Variants in SEMA3A observed in about 807,000 individuals in gnomAD.
The protein encoded by SEMA3A is semaphorin-3A.
A neutral mutation model predicts 97.9 loss-of-function variants in SEMA3A; 29 were observed. That is an observed-to-expected ratio of 0.30 (90% confidence interval 0.22 to 0.40). The LOEUF is 0.40. SEMA3A is among the 10% of genes least tolerant of loss of function. SEMA3A has a pLI of 1.00. For synonymous variants in SEMA3A, 321 were observed against 323.7 expected (o/e 0.99, Z 0.09); for missense variants, 763 against 951.3 (o/e 0.80, Z 2.60).
chr7:84,002,502 T>TGAA (rs1790501450), intron 11 of SEMA3A, among the ~76,000 whole-genome samples: 1 of 152,154 alleles, frequency 6.6e-6, no homozygotes, highest in African/African-American at 2.4e-5. Flanking sequence ...GGTACTACTA[T>TGAA]GAAGACTAAA....
At chr7:84,474,742 T>C (rs1187563639) in intron 1 of SEMA3A, among the ~76,000 whole-genome samples, 1 of 152,098 alleles carries the variant, frequency 6.6e-6, no homozygotes. Context: ...TCAGAACTGC[T>C]GCTGATGATC....
intron 3 of SEMA3A, among the ~76,000 whole-genome samples, chr7:84,255,942 A>G (rs1799711620): frequency 6.6e-6 from 1 of 152,076 alleles, no homozygotes; most frequent in African/African-American, 2.4e-5. Flanking sequence ...GAATATCTAG[A>G]GATTTATAAT....
At chr7:84,023,362 A>C (rs1315953243) in intron 6 of SEMA3A, among the ~76,000 whole-genome samples, 3 of 152,312 alleles carry the variant, frequency 2.0e-5, no homozygotes, top group Non-Finnish European at 2.9e-5. Context: ...AAAGGACAAG[A>C]ACAAAAATAT....
intron 1 of SEMA3A, among the ~76,000 whole-genome samples, chr7:84,466,843 G>A (rs1806011883): frequency 6.6e-6 from 1 of 152,140 alleles, no homozygotes; most frequent in African/African-American, 2.4e-5. Flanking sequence ...GTTGATAGAG[G>A]TAGCACCACT....
intron 3 of SEMA3A, among the ~76,000 whole-genome samples, chr7:84,300,032 C>CAAAAAAA (rs58929555): frequency 1.9e-4 from 10 of 53,278 alleles, no homozygotes; most frequent in Non-Finnish European, 2.3e-4. Context: ...GACTCAGTCA[C>CAAAAAAA]AAAAAAAAAA....
chr7:84,492,281 T>G (rs762558796), intron 1 of SEMA3A, among the ~76,000 whole-genome samples: 1 of 152,068 alleles, frequency 6.6e-6, no homozygotes, highest in Non-Finnish European at 1.5e-5. Flanking sequence ...TTCAGGAGCA[T>G]TTAAGTATTA....
intron 5 of SEMA3A, among the ~76,000 whole-genome samples, chr7:84,050,558 A>T (rs868027174): frequency 4.6e-5 from 7 of 151,588 alleles, no homozygotes; most frequent in African/African-American, 9.7e-5. Flanking sequence ...ATGGGGTTGT[A>T]TGTTTTTTTC....
At chr7:84,242,464 C>A (rs1799386297) in intron 3 of SEMA3A, among the ~76,000 whole-genome samples, 1 of 152,166 alleles carries the variant, frequency 6.6e-6, no homozygotes, top group African/African-American at 2.4e-5. Context: ...GATTTTTGCA[C>A]ACTGATTTTG....
chr7:84,224,502 T>C (rs577184336), intron 3 of SEMA3A, among the ~76,000 whole-genome samples: 1 of 152,086 alleles, frequency 6.6e-6, no homozygotes, highest in African/African-American at 2.4e-5. Context: ...CTATTTATGT[T>C]TTAAAAAAAA....
intron 6 of SEMA3A, among the ~76,000 whole-genome samples, chr7:84,014,653 A>C (rs1354297764): frequency 6.6e-6 from 1 of 152,156 alleles, no homozygotes; most frequent in Non-Finnish European, 1.5e-5. Context: ...AATATTTTGC[A>C]AACTATAAGT....
intron 1 of SEMA3A, among the ~76,000 whole-genome samples, chr7:84,164,809 C>T (rs1303922653): frequency 2.0e-5 from 3 of 152,078 alleles, no homozygotes; most frequent in Non-Finnish European, 4.4e-5. Flanking sequence ...TTAACACTTT[C>T]CTTATTACCA....
chr7:84,193,534 T>G (rs555598215), intron 1 of SEMA3A, among the ~76,000 whole-genome samples: 2 of 152,152 alleles, frequency 1.3e-5, no homozygotes, highest in Admixed American at 1.3e-4. Context: ...CAGTTTAATC[T>G]TCAACTCCAT....
In SEMA3A at chr7:84,150,545, C is replaced by G. The variant is rs561475522; in HGVS notation, c.113-15594G>C. Among the ~76,000 whole-genome samples the G allele has an allele frequency of 3.4e-3, 523 of 152,236 alleles. 1 individual carries two copies. Among genetic ancestry groups the G allele is most frequent in the African/African-American group, 0.012 (489 of 41,558 alleles). The stretch of plus-strand genomic sequence containing the variant: ...GTGCTTTTCCGACGGGCTTAAAAAA[C>G]GGCGCATCACGAGATTATATCCCGC... On this transcript the variant is annotated intron_variant, in intron 1 of 16. Transcript: ENST00000265362.
chr7:84,366,590 T>C (rs778460326), intron 2 of SEMA3A, among the ~76,000 whole-genome samples: 1 of 151,358 alleles, frequency 6.6e-6, no homozygotes, highest in Middle Eastern at 3.2e-3. Context: ...CGTGCTACAC[T>C]AAAGCATACT....
At chr7:84,343,240 G>GT (rs1421665236) in intron 2 of SEMA3A, among the ~76,000 whole-genome samples, 1 of 152,162 alleles carries the variant, frequency 6.6e-6, no homozygotes, top group Non-Finnish European at 1.5e-5. Flanking sequence ...GCAGAAAGTG[G>GT]TGAAAATAGA....
At chr7:84,264,826 T>C (rs539350189) in intron 3 of SEMA3A, among the ~76,000 whole-genome samples, 1 of 152,318 alleles carries the variant, frequency 6.6e-6, no homozygotes, top group South Asian at 2.1e-4. Flanking sequence ...CTCCTGTAAG[T>C]AATCCTGGGT....
intron 6 of SEMA3A, among the ~76,000 whole-genome samples, chr7:84,023,969 G>A (rs1334495183): frequency 2.8e-5 from 4 of 145,096 alleles, no homozygotes; most frequent in East Asian, 2.1e-4. Flanking sequence ...CGGAGATCGC[G>A]CCACTGCACT....
intron 3 of SEMA3A, among the ~76,000 whole-genome samples, chr7:84,260,433 C>T (rs1236501942): frequency 6.6e-6 from 1 of 152,164 alleles, no homozygotes; most frequent in Admixed American, 6.5e-5. Context: ...GGAGCCCACA[C>T]TCCCAAGCTC....
intron 4 of SEMA3A, among the ~76,000 whole-genome samples, chr7:84,080,159 C>T (rs1484756995): frequency 1.1e-5 from 1 of 92,628 alleles, no homozygotes; most frequent in African/African-American, 7.2e-5. Context: ...ACAATGAGAA[C>T]ACATGGACAC....
Sources: gnomAD v4.1 joint callset for allele counts (sites outside exome capture counted in the v4.1 genomes callset) on GRCh38, gnomAD v4.1.1 for gene constraint, MANE v1.5 for transcripts, NCBI Gene and HGNC (gene_info 2026-07-23, HGNC 2026-07-21) for gene names.